The following TBC1D2B variants were observed in gnomAD, a reference collection of about 807,000 sequenced individuals.
TBC1D2B encodes TBC1 domain family, member 2B.
A neutral mutation model predicts 100.8 loss-of-function variants in TBC1D2B; 64 were observed. The ratio of observed to expected loss-of-function variants is 0.64; its 90% CI spans 0.52 to 0.78. TBC1D2B has a LOEUF of 0.78. Ranked by LOEUF, TBC1D2B falls within the 30% of genes least tolerant of loss-of-function variation. TBC1D2B has a pLI of 0.00. For synonymous variants in TBC1D2B, 480 were observed against 479.7 expected (o/e 1.00, Z -0.01); for missense variants, 1,052 against 1,218.4 (o/e 0.86, Z 2.03).
At chr15:78,060,209 A>AG (rs1297287924) in intron 1 of TBC1D2B, among the ~76,000 whole-genome samples, 1 of 152,262 alleles carries the variant, frequency 6.6e-6, no homozygotes, top group African/African-American at 2.4e-5. Context: ...CTAAGAATAC[A>AG]GAACTGGATG....
intron 1 of TBC1D2B, chr15:78,066,127 A>G (rs2073651893): frequency 2.1e-6 from 1 of 468,446 alleles, no homozygotes; most frequent in Admixed American, 2.4e-5. Flanking sequence ...CTGAATGCTC[A>G]GGAAGGAACC....
At chr15:78,030,511 G>T (rs1473667169) in intron 3 of TBC1D2B, among the ~76,000 whole-genome samples, 2 of 152,026 alleles carry the variant, frequency 1.3e-5, no homozygotes, top group Non-Finnish European at 2.9e-5. Flanking sequence ...GTTTCACCAT[G>T]TTGGCCAGGC....
chr15:78,063,417 A>G (rs1311180896), intron 1 of TBC1D2B, among the ~76,000 whole-genome samples: 2 of 152,244 alleles, frequency 1.3e-5, no homozygotes, highest in East Asian at 3.8e-4. Flanking sequence ...ATTTTAGCAG[A>G]AATCACAAGT....
intron 6 of TBC1D2B, among the ~76,000 whole-genome samples, chr15:78,021,057 G>C (rs2141683098): frequency 6.6e-6 from 1 of 152,294 alleles, no homozygotes; most frequent in East Asian, 1.9e-4. Flanking sequence ...AAAAGGATTG[G>C]AAGGAAACAT....
chr15:78,059,078 G>T (rs2073486941), intron 1 of TBC1D2B, among the ~76,000 whole-genome samples: 1 of 152,078 alleles, frequency 6.6e-6, no homozygotes, highest in South Asian at 2.1e-4. Flanking sequence ...CACCCTTCAA[G>T]ATCCAATGCA....
At chr15:78,075,584 C>G (rs11634621) in intron 1 of TBC1D2B, among the ~76,000 whole-genome samples, 10,458 of 152,280 alleles carry the variant, frequency 0.069, 609 homozygotes, top group African/African-American at 0.15. Flanking sequence ...ACAGGAAATT[C>G]GTCCGACACA....
At chr15:77,998,378 CAA>C (rs1567009719) in intron 12 of TBC1D2B, 23 bp from the exon 13 acceptor site, 2 of 1,548,816 alleles carry the variant, frequency 1.3e-6, no homozygotes, top group African/African-American at 1.4e-5. Flanking sequence ...AGGGGAGAGA[CAA>C]GAGAATCAGC....
At chr15:78,019,233 T>G (rs2072453139) in intron 6 of TBC1D2B, among the ~76,000 whole-genome samples, 1 of 152,214 alleles carries the variant, frequency 6.6e-6, no homozygotes, top group Non-Finnish European at 1.5e-5. Flanking sequence ...TACGGAGCAC[T>G]TGCGATGGGT....
chr15:78,052,233 A>G (rs954638537), intron 2 of TBC1D2B, among the ~76,000 whole-genome samples: 1 of 152,086 alleles, frequency 6.6e-6, no homozygotes, highest in Non-Finnish European at 1.5e-5. Flanking sequence ...GTTCCTGGCC[A>G]TCCTCCAGGC....
rs2072416712 is a variant in TBC1D2B, at chr15:78,017,884, C to G, written c.1544G>C (p.Arg515Thr). Residue 515 changes from arginine (R) to threonine (T), a missense_variant, in exon 7 of 13, where the codon AGA becomes ACA. Physicochemically the swap from Arg to Thr is moderately conservative, Grantham distance 71. Coordinates refer to ENST00000300584, the MANE Select transcript of TBC1D2B (RefSeq NM_144572.2). Reference protein sequence around the residue: ...KEILELSALRRNAERRERDLM... With the variant: ...KEILELSALRTNAERRERDLM... ...ATCCCTCTCTCTCCTTTCTGCATTT[C>G]TTCGTAGAGCTGAGAGTTCCAAAAT... 6.2e-7 allele frequency: 1 copy of G among 1,611,748 alleles called. No homozygotes were observed. Among genetic ancestry groups the G allele is most frequent in the African/African-American group, 1.3e-5 (1 of 74,758 alleles).
intron 2 of TBC1D2B, 63 bp from the exon 3 acceptor site, chr15:78,045,131 C>T (rs2073170026): frequency 1.4e-6 from 2 of 1,445,178 alleles, no homozygotes; most frequent in South Asian, 1.3e-5. Context: ...TGACATCCCA[C>T]ATAAAACACT....
intron 12 of TBC1D2B, chr15:77,999,454 G>C (rs1335510609): frequency 3.1e-6 from 1 of 321,062 alleles, no homozygotes; most frequent in Non-Finnish European, 6.4e-6. Context: ...TTTAAATTCT[G>C]AATTCCCCAG....
At chr15:78,040,880 A>AAGAAAGAAAG (rs1275983230) in intron 3 of TBC1D2B, among the ~76,000 whole-genome samples, 3 of 147,856 alleles carry the variant, frequency 2.0e-5, no homozygotes, top group African/African-American at 5.0e-5. Context: ...GAAAGAAAGA[A>AAGAAAGAAAG]AGAGAGAGAG....
intron 4 of TBC1D2B, among the ~76,000 whole-genome samples, chr15:78,026,561 A>T (rs2072673947): frequency 6.6e-6 from 1 of 152,232 alleles, no homozygotes; most frequent in South Asian, 2.1e-4. Context: ...CTGTTTTAAC[A>T]GTATAAAACA....
chr15:77,999,097 C>T (rs373811133), intron 12 of TBC1D2B: 7 of 331,144 alleles, frequency 2.1e-5, no homozygotes, highest in African/African-American at 1.1e-4. Flanking sequence ...CTCTGGGGAT[C>T]ACAAAATAGG....
At chr15:78,011,662 T>TTTTTAG (rs2072233474) in intron 9 of TBC1D2B, among the ~76,000 whole-genome samples, 5 of 147,762 alleles carry the variant, frequency 3.4e-5, no homozygotes, top group Admixed American at 3.4e-4. Flanking sequence ...TTTTTTTTTT[T>TTTTTAG]TTTTTAGACA....
At position 78,016,690 on chromosome 15, in the gene TBC1D2B, A is replaced by G. The variant is rs1279857493; in HGVS notation, c.1631T>C (p.Ile544Thr). The change falls in exon 8 of 13, where the codon ATA becomes ACA. Residue 544 changes from isoleucine to threonine, a missense_variant. Ile to Thr is a moderately conservative substitution (Grantham distance 89). Around this residue, in one of 4 missense-constraint regions of TBC1D2B, gnomAD observed 373 missense variants for 464.9 expected, o/e 0.80. Transcript: ENST00000300584. ...TGGTGTCTTCATTTCTTGGAGCAAT[A>G]TCAGGTATTTACTTTCTATCTGGCA... Reference protein sequence around the residue: ...KLCQIESKYLILLQEMKTPVC... With the variant: ...KLCQIESKYLTLLQEMKTPVC... The G allele has an allele frequency of 1.9e-6, 3 of 1,600,748 alleles. No individual in the cohort carries two copies. Among genetic ancestry groups the G allele is most frequent in the Non-Finnish European group, 1.7e-6 (2 of 1,174,754 alleles).
chr15:77,999,126 T>C (rs772722708), intron 12 of TBC1D2B: 221 of 357,194 alleles, frequency 6.2e-4, no homozygotes, highest in Non-Finnish European at 1.1e-3. Flanking sequence ...TAGGGCCACC[T>C]TCTTCCCCTC....
At chr15:78,057,328 G>T (rs1231932055) in intron 1 of TBC1D2B, among the ~76,000 whole-genome samples, 1 of 151,920 alleles carries the variant, frequency 6.6e-6, no homozygotes, top group African/African-American at 2.4e-5. Flanking sequence ...TGATTAACTG[G>T]GTTTGTTTCC....
Sources: gnomAD v4.1 joint callset for allele counts (sites outside exome capture counted in the v4.1 genomes callset) on GRCh38, gnomAD v4.1.1 for gene constraint, gnomAD v4.1.1 regional missense constraint, MANE v1.5 for transcripts, NCBI Gene and HGNC (gene_info 2026-07-23, HGNC 2026-07-21) for gene names.